Variants in ADGRV1 observed in about 807,000 individuals in gnomAD.
ADGRV1 encodes G-protein coupled receptor 98.
Under a neutral mutation model 596.2 loss-of-function variants are expected in ADGRV1, and 359 were observed. The ratio of observed to expected loss-of-function variants is 0.60; its 90% confidence interval spans 0.55 to 0.66. ADGRV1 has a LOEUF of 0.66. Ranked by LOEUF, ADGRV1 falls within the 30% of genes least tolerant of loss-of-function variation. ADGRV1 has a pLI of 0.00. For synonymous variants in ADGRV1, 2,681 were observed against 2,679.2 expected (o/e 1.00, Z -0.02); for missense variants, 7,274 against 7,575.6 (o/e 0.96, Z 1.48).
intron 1 of ADGRV1, among the ~76,000 whole-genome samples, chr5:90,562,412 C>T (rs1007299025): frequency 8.5e-5 from 13 of 152,134 alleles, no homozygotes; most frequent in Admixed American, 1.3e-4. Context: ...AGCCACAGCA[C>T]CCCAGCTCTG....
Position 90,988,842 on chromosome 5 carries a change from C to T in ADGRV1, c.18152+3320C>T, listed in dbSNP as rs546195876. On this transcript the variant is annotated intron_variant, in intron 85 of 89. Coordinates refer to ENST00000405460, the MANE Select transcript of ADGRV1 (RefSeq NM_032119.4). ...TGTGTGATGTTCCCCTTCCTATGTC[C>T]ATGTGTTCTCATTGTTCAATTCCCA... is the stretch of plus-strand genomic sequence containing the variant. Among the ~76,000 whole-genome samples the T allele has an allele frequency of 6.1e-3, 882 of 143,604 alleles. 8 individuals are homozygous for T. Among genetic ancestry groups the T allele is most frequent in the African/African-American group, 0.022 (857 of 38,930 alleles). 94.2% of individuals were successfully genotyped at this position (143,604 alleles called of 152,430 possible).
chr5:90,940,439 T>C (rs148552983), intron 83 of ADGRV1, among the ~76,000 whole-genome samples: 1,868 of 152,312 alleles, frequency 0.012, 32 homozygotes, highest in African/African-American at 0.042. Context: ...ATTCCATACT[T>C]GGCCATTGCC....
chr5:90,874,719 G>A (rs527339918), intron 83 of ADGRV1, among the ~76,000 whole-genome samples: 4 of 152,104 alleles, frequency 2.6e-5, no homozygotes, highest in Non-Finnish European at 4.4e-5. Flanking sequence ...TTAGCTGGGC[G>A]TGGTGGCATG....
chr5:90,794,616 C>T (rs893496299), intron 70 of ADGRV1, among the ~76,000 whole-genome samples: 2 of 152,152 alleles, frequency 1.3e-5, no homozygotes, highest in African/African-American at 4.8e-5. Flanking sequence ...GGCATGTGCA[C>T]AGGGTGTTAA....
chr5:91,055,478 C>T (rs754625138), intron 85 of ADGRV1, among the ~76,000 whole-genome samples: 46 of 152,142 alleles, frequency 3.0e-4, no homozygotes, highest in South Asian at 1.5e-3. Flanking sequence ...CTCATTTATC[C>T]CTCACAACAA....
At chr5:90,638,079 C>T (rs1459307618) in intron 11 of ADGRV1, 131 bp downstream of exon 11, 10 of 600,330 alleles carry the variant, frequency 1.7e-5, no homozygotes, top group Non-Finnish European at 2.5e-5. Flanking sequence ...GTTATACTGG[C>T]CTTCAGACTT....
At chr5:91,135,755 C>T (rs1368042279) in intron 87 of ADGRV1, among the ~76,000 whole-genome samples, 1 of 152,070 alleles carries the variant, frequency 6.6e-6, no homozygotes, top group Non-Finnish European at 1.5e-5. Context: ...TGCAGAAATC[C>T]AGTTTTCTTG....
At chr5:90,618,969 C>A (rs1763708774) in intron 3 of ADGRV1, 117 bp from the exon 4 acceptor site, 2 of 462,696 alleles carry the variant, frequency 4.3e-6, no homozygotes, top group Non-Finnish European at 3.8e-6. Flanking sequence ...ATTAAGATTA[C>A]ATATGTATTT....
At chr5:90,796,732 G>T (rs1298152074) in intron 70 of ADGRV1, among the ~76,000 whole-genome samples, 1 of 152,154 alleles carries the variant, frequency 6.6e-6, no homozygotes. Flanking sequence ...GAAAGGTTGG[G>T]TTACCCACAA....
At chr5:90,855,530 T>C (rs1407064329) in intron 81 of ADGRV1, among the ~76,000 whole-genome samples, 1 of 152,128 alleles carries the variant, frequency 6.6e-6, no homozygotes, top group African/African-American at 2.4e-5. Flanking sequence ...CTTTGGTTGG[T>C]ATTTAGGCTG....
At chr5:90,833,358 T>A (rs1764681643) in intron 77 of ADGRV1, among the ~76,000 whole-genome samples, 1 of 152,108 alleles carries the variant, frequency 6.6e-6, no homozygotes, top group Admixed American at 6.6e-5. Context: ...GATCATGGCT[T>A]ACTACAGCCT....
rs78367567 is a variant in ADGRV1, at chr5:90,739,144, G to T, written c.10550-5902G>T. On this transcript the variant is annotated intron_variant, in intron 50 of 89. Transcript: ENST00000405460. ...TTCCTTATTTCTAGCGTTTCTGTTT[G>T]TTTTTTTGTTTGTTTTTATTTCTTT... Among the ~76,000 whole-genome samples the T allele has an allele frequency of 6.2e-3, 932 of 151,290 alleles. 14 individuals carry two copies. Among genetic ancestry groups the T allele is most frequent in the African/African-American group, 0.017 (694 of 41,268 alleles).
At chr5:90,562,374 A>G (rs1028887133) in intron 1 of ADGRV1, among the ~76,000 whole-genome samples, 10 of 152,250 alleles carry the variant, frequency 6.6e-5, no homozygotes, top group African/African-American at 9.6e-5. Context: ...GGGTTCTCCA[A>G]TATGCCAGGA....
At chr5:90,979,089 T>A (rs11744110) in intron 84 of ADGRV1, among the ~76,000 whole-genome samples, 75,692 of 151,504 alleles carry the variant, frequency 0.5, 20,460 homozygotes, top group African/African-American at 0.71. Flanking sequence ...CCACTGGCAT[T>A]TAAAGTGAGT....
At chr5:90,579,643 T>C (rs1026470804) in intron 1 of ADGRV1, among the ~76,000 whole-genome samples, 17 of 152,180 alleles carry the variant, frequency 1.1e-4, no homozygotes, top group Non-Finnish European at 1.8e-4. Flanking sequence ...AGAGCTGAGT[T>C]CATGTCCTGG....
At chr5:90,728,622 C>A (rs909756135) in intron 48 of ADGRV1, 47 bp from the exon 49 acceptor site, 4 of 1,521,186 alleles carry the variant, frequency 2.6e-6, no homozygotes, top group Non-Finnish European at 2.7e-6. Flanking sequence ...CTTGCAAGTG[C>A]TAAATTCCTA....
chr5:90,997,548 A>G (rs528080949), intron 85 of ADGRV1, among the ~76,000 whole-genome samples: 1 of 152,326 alleles, frequency 6.6e-6, no homozygotes, highest in South Asian at 2.1e-4. Context: ...TGTTCTTTAT[A>G]GCAGTGTGAG....
intron 87 of ADGRV1, among the ~76,000 whole-genome samples, chr5:91,137,189 G>A (rs73189100): frequency 0.012 from 1,759 of 150,978 alleles, 33 homozygotes; most frequent in African/African-American, 0.041. Flanking sequence ...GGGCTCAAAC[G>A]ATCCTCCTGC....
chr5:90,750,847 A>G, intron 53 of ADGRV1, 150 bp downstream of exon 53: 1 of 569,048 alleles, frequency 1.8e-6, no homozygotes, highest in Non-Finnish European at 2.9e-6. Flanking sequence ...GATACAATTT[A>G]AGGTTAGTTT....
Sources: allele counts gnomAD v4.1 joint callset (sites outside exome capture counted in the v4.1 genomes callset), GRCh38; gene constraint gnomAD v4.1.1; transcripts MANE v1.5; gene names NCBI Gene and HGNC (gene_info 2026-07-23, HGNC 2026-07-21).